The following ADAMTS9 variants were observed in gnomAD, a reference collection of about 807,000 sequenced individuals.
The protein encoded by ADAMTS9 is A disintegrin and metalloproteinase with thrombospondin motifs 9.
A neutral mutation model predicts 257.1 loss-of-function variants in ADAMTS9; 107 were observed. The observed-to-expected ratio is 0.42, with a 90% confidence interval of 0.36 to 0.49. The LOEUF (loss-of-function observed/expected upper bound fraction) is 0.49. ADAMTS9 is among the 20% of genes least tolerant of loss of function. The pLI, the probability that ADAMTS9 is intolerant of heterozygous loss-of-function variation, is 0.03. For missense variants in ADAMTS9, 2,353 were observed against 2,469.1 expected, an observed-to-expected ratio of 0.95 and a Z score of 1.00; for synonymous variants, 982 against 880.9, an observed-to-expected ratio of 1.11 and a Z score of -2.03.
rs9877676 is a variant in ADAMTS9, at chr3:64,559,992, G to A, written c.4698+1586C>T. On this transcript the variant is annotated intron_variant, in intron 30 of 39. Coordinates refer to ENST00000498707, the MANE Select transcript of ADAMTS9 (RefSeq NM_182920.2). ...GGTCACACTGAGGGGGAGAGCGAGA[G>A]AGATGAGGGAGTCTCCTCTTCCTTC... Among the ~76,000 whole-genome samples the A allele has an allele frequency of 7.8e-4, 119 of 152,336 alleles. 1 individual carries two copies. The highest frequency in any genetic ancestry group is 2.8e-3 in the African/African-American group (115 of 41,582).
intron 22 of ADAMTS9, among the ~76,000 whole-genome samples, chr3:64,611,093 A>G (rs1192850133): frequency 6.6e-6 from 1 of 151,492 alleles, no homozygotes; most frequent in Admixed American, 6.6e-5. Context: ...AAAAAAAAAA[A>G]AAAAAAAGTT....
At chr3:64,682,415 G>A (rs2107053595) in intron 2 of ADAMTS9, among the ~76,000 whole-genome samples, 3 of 152,286 alleles carry the variant, frequency 2.0e-5, no homozygotes, top group Middle Eastern at 6.8e-3. Context: ...CACCTTGCAA[G>A]TCATTTTTGC....
At chr3:64,663,880 T>C (rs1701284219) in intron 3 of ADAMTS9, among the ~76,000 whole-genome samples, 1 of 152,160 alleles carries the variant, frequency 6.6e-6, no homozygotes, top group Non-Finnish European at 1.5e-5. Context: ...GTCCAACTAA[T>C]TTCTATCACA....
chr3:64,672,109 T>C (rs1307705207), intron 3 of ADAMTS9, among the ~76,000 whole-genome samples: 3 of 152,220 alleles, frequency 2.0e-5, no homozygotes, highest in African/African-American at 7.2e-5. Context: ...CTCTGTCAGC[T>C]AGATGGCCCT....
At chr3:64,617,955 T>C (rs1049296301) in intron 19 of ADAMTS9, among the ~76,000 whole-genome samples, 1 of 152,208 alleles carries the variant, frequency 6.6e-6, no homozygotes, top group Non-Finnish European at 1.5e-5. Context: ...ATAATTACTA[T>C]AAATCATGGT....
chr3:64,624,369 AG>A (rs1700178902), intron 16 of ADAMTS9, among the ~76,000 whole-genome samples: 1 of 152,166 alleles, frequency 6.6e-6, no homozygotes, highest in African/African-American at 2.4e-5. Flanking sequence ...TACATTAATT[AG>A]GTTGGTTTTG....
intron 10 of ADAMTS9, 112 bp from the exon 11 acceptor site, chr3:64,648,156 G>A (rs1424977398): frequency 3.3e-6 from 3 of 921,508 alleles, no homozygotes; most frequent in South Asian, 1.7e-5. Flanking sequence ...GGGTAAGTGG[G>A]GAAGGAAATT....
rs1357677304 is a variant in ADAMTS9, at chr3:64,516,599, CAT to C, written c.*526_*527del. 15 of 152,520 alleles carry C rather than the reference CAT, an allele frequency of 9.8e-5. No homozygotes were observed. Among genetic ancestry groups the C allele is most frequent in the African/African-American group, 3.4e-4 (14 of 41,412 alleles). 9.4% of individuals were successfully genotyped at this position (152,520 alleles called of 1,614,324 possible). On this transcript the variant is annotated 3_prime_UTR_variant, in exon 40 of 40. Coordinates refer to ENST00000498707, the MANE Select transcript of ADAMTS9 (RefSeq NM_182920.2). ...CACATGAAACTGAATACTTATTTAA[CAT>C]AGTTAATAGTTGGTACAATCTGTGA...
chr3:64,516,224 G>C lies in ADAMTS9; in HGVS notation c.*903C>G, dbSNP rs1029082874. On this transcript the variant is annotated 3_prime_UTR_variant, in exon 40 of 40. Coordinates refer to ENST00000498707, the MANE Select transcript of ADAMTS9 (RefSeq NM_182920.2). ...ACTGGTAAACTTGGATGTCATTTTA[G>C]AGTATCTTGGCAAAATGGTGAGAGG... 2 of 152,532 alleles carry C rather than the reference G, an allele frequency of 1.3e-5. No homozygotes were observed. Among genetic ancestry groups the C allele is most frequent in the African/African-American group, 4.8e-5 (2 of 41,422 alleles). The allele number at this position is 152,532 out of a possible 1,614,324, so 9.4% of individuals were successfully genotyped here.
intron 12 of ADAMTS9, among the ~76,000 whole-genome samples, chr3:64,634,432 A>C (rs13084695): frequency 0.2 from 30,659 of 152,194 alleles, 3,817 homozygotes; most frequent in Non-Finnish European, 0.27. Flanking sequence ...TTGTTTCACA[A>C]ATAAAATGGA....
At chr3:64,586,994 T>C (rs1302051121) in intron 28 of ADAMTS9, 2 of 152,212 alleles carry the variant, frequency 1.3e-5, no homozygotes, top group African/African-American at 4.8e-5. Flanking sequence ...ATTCAAGCCT[T>C]GCCCTTTCAA....
At chr3:64,670,999 A>G (rs1218445411) in intron 3 of ADAMTS9, among the ~76,000 whole-genome samples, 2 of 152,226 alleles carry the variant, frequency 1.3e-5, no homozygotes. Context: ...AATAGAGTGA[A>G]ACATACATTA....
chr3:64,634,053 T>C (rs1008607347), intron 12 of ADAMTS9, among the ~76,000 whole-genome samples, 174 bp from the exon 13 acceptor site: 1 of 151,984 alleles, frequency 6.6e-6, no homozygotes, highest in Non-Finnish European at 1.5e-5. Context: ...TTCAATACCA[T>C]GATGTGTATA....
intron 3 of ADAMTS9, 41 bp from the exon 4 acceptor site, chr3:64,658,832 A>T: frequency 6.5e-7 from 1 of 1,546,940 alleles, no homozygotes; most frequent in Non-Finnish European, 8.8e-7. Context: ...TTCAAGCCAC[A>T]TCTATTTTAT....
chr3:64,683,741 C>A (rs1701818302), intron 2 of ADAMTS9, among the ~76,000 whole-genome samples: 2 of 152,132 alleles, frequency 1.3e-5, no homozygotes, highest in African/African-American at 2.4e-5. Context: ...TTTATTCAAA[C>A]ATATATGCTA....
At chr3:64,631,288 G>A (rs866589969) in intron 16 of ADAMTS9, among the ~76,000 whole-genome samples, 167 bp downstream of exon 16, 11 of 152,192 alleles carry the variant, frequency 7.2e-5, no homozygotes, top group Admixed American at 1.3e-4. Flanking sequence ...CTCTGAGGGC[G>A]TATGTATGAG....
intron 2 of ADAMTS9, chr3:64,685,464 G>A (rs146520419): frequency 0.01 from 1,531 of 152,500 alleles, 12 homozygotes; most frequent in Middle Eastern, 0.027. Flanking sequence ...CGCTGGGAGA[G>A]ACTGACCCGG....
chr3:64,598,011 T>A (rs1013102608), intron 26 of ADAMTS9, among the ~76,000 whole-genome samples: 1 of 152,210 alleles, frequency 6.6e-6, no homozygotes, highest in East Asian at 1.9e-4. Context: ...TATTTCAAGA[T>A]AGGCTCTATC....
Position 64,541,848 on chromosome 3 carries a change from A to C in ADAMTS9, c.5187T>G (p.Asn1729Lys). 1 of 1,614,208 alleles carries C rather than the reference A, an allele frequency of 6.2e-7. No homozygotes were observed. Among genetic ancestry groups the C allele is most frequent in the African/African-American group, 1.3e-5 (1 of 75,058 alleles). ...LKPEERKTCR[N>K]VYNCELPQNC... is the part of the protein sequence containing the mutation. ...AGTTGGCCAACTTACAGTTATAGAC[A>C]TTACGGCAGGTTTTTCGTTCTTCTG... Residue 1729 changes from asparagine (N) to lysine (K), a missense_variant, in exon 33 of 40, where the codon AAT becomes AAG. By Grantham distance (94) the Asn-to-Lys change is moderately conservative (BLOSUM62 0). Transcript: ENST00000498707.
Sources: allele counts gnomAD v4.1 joint callset (sites outside exome capture counted in the v4.1 genomes callset), GRCh38; gene constraint gnomAD v4.1.1; transcripts MANE v1.5; gene names NCBI Gene and HGNC (gene_info 2026-07-23, HGNC 2026-07-21).